Variants in NUTM2B observed in about 807,000 individuals in gnomAD.
NUTM2B encodes the protein NUT family member 2B.
Under a neutral mutation model 42.4 loss-of-function variants are expected in NUTM2B, and 2 were observed. The observed-to-expected ratio is 0.05, with a 90% CI of 0.02 to 0.15. The LOEUF is 0.15. Among genes scored for constraint, NUTM2B ranks in the 10% least tolerant of loss-of-function variants. The pLI is 1.00. For synonymous variants in NUTM2B, 18 were observed against 402.4 expected (o/e 0.04, Z 11.43); for missense variants, 58 against 952.6 (o/e 0.06, Z 12.36).
At chr10:79,700,489 C>T (rs1355154533), upstream of NUTM2B, among the ~76,000 whole-genome samples, 13 of 152,394 alleles carry the variant, frequency 8.5e-5, no homozygotes, top group South Asian at 2.3e-3. Flanking sequence ...GCCTGGGCGT[C>T]CCGCAGGGCC....
chr10:79,695,020 A>G, the NUTM2B span, among the ~76,000 whole-genome samples: 1 of 152,148 alleles, frequency 6.6e-6, no homozygotes, highest in Non-Finnish European at 1.5e-5. Context: ...CTGGCTGCCC[A>G]GGCTCTGTGT....
At chr10:79,702,206 T>A (rs866953247), upstream of NUTM2B, among the ~76,000 whole-genome samples, 1 of 150,820 alleles carries the variant, frequency 6.6e-6, no homozygotes, top group Admixed American at 6.6e-5. Flanking sequence ...AAGATGGAGG[T>A]AGAGTTGCAC....
upstream of NUTM2B, among the ~76,000 whole-genome samples, chr10:79,701,173 A>C (rs2132237730): frequency 6.6e-6 from 1 of 152,220 alleles, no homozygotes. Flanking sequence ...CTCAGTCTGG[A>C]GGTTCCATTA....
chr10:79,695,426 C>T, the NUTM2B span, among the ~76,000 whole-genome samples: 1 of 152,244 alleles, frequency 6.6e-6, no homozygotes, highest in Non-Finnish European at 1.5e-5. Context: ...CAAGACTCCA[C>T]TGAGATAAAA....
the NUTM2B span, among the ~76,000 whole-genome samples, chr10:79,693,849 C>T: frequency 6.6e-6 from 1 of 152,182 alleles, no homozygotes; most frequent in East Asian, 1.9e-4. Flanking sequence ...ATTTGTACCA[C>T]AGGGAAGTGG....
upstream of NUTM2B, among the ~76,000 whole-genome samples, chr10:79,700,938 C>A (rs890552721): frequency 5.9e-5 from 9 of 152,218 alleles, no homozygotes; most frequent in African/African-American, 2.2e-4. Context: ...ACCTCCATGA[C>A]CGTGCCTCTG....
the NUTM2B span, among the ~76,000 whole-genome samples, chr10:79,696,410 A>G: frequency 6.6e-6 from 1 of 151,652 alleles, no homozygotes; most frequent in Non-Finnish European, 1.5e-5. Context: ...CTGCACCCTG[A>G]GTAGGACCCA....
chr10:79,699,286 C>T (rs1403495301), upstream of NUTM2B, among the ~76,000 whole-genome samples: 14 of 151,590 alleles, frequency 9.2e-5, no homozygotes, highest in Non-Finnish European at 1.5e-4. Context: ...AAATACAAAT[C>T]GCCAACATTC....
chr10:79,695,391 C>A, the NUTM2B span, among the ~76,000 whole-genome samples: 1 of 152,292 alleles, frequency 6.6e-6, no homozygotes. Flanking sequence ...GAAAATGTCA[C>A]GTGCCTTTGA....
the NUTM2B span, among the ~76,000 whole-genome samples, chr10:79,693,461 A>G: frequency 1.3e-5 from 2 of 152,206 alleles, no homozygotes; most frequent in Non-Finnish European, 2.9e-5. Context: ...GTTCATAGAG[A>G]GAAGTGGGTG....
chr10:79,712,028 G>T (rs1840508605), exon 7 of NUTM2B: 1 of 1,400,796 alleles, frequency 7.1e-7, no homozygotes, highest in Non-Finnish European at 9.5e-7. Flanking sequence ...ACCTGCCCTG[G>T]CGTGGGTACC....
Position 79,703,785 on chromosome 10 carries a change from GC to G in NUTM2B, c.179del (p.Pro60HisfsTer77). On this transcript the variant is annotated frameshift_variant, in exon 1 of 7. Coordinates refer to ENST00000429828, the Ensembl canonical transcript of NUTM2B. LOFTEE classifies it high-confidence loss of function. ...AGAACGTCCCCCACCCCTAACAGCT[GC>G]CCACTGCCCCTCCCCCTCTGCAGAA... is the stretch of plus-strand genomic sequence containing the variant. 5 of 543,808 alleles carry G rather than the reference GC, an allele frequency of 9.2e-6. No homozygotes were observed. Among genetic ancestry groups the G allele is most frequent in the Non-Finnish European group, 1.4e-5 (5 of 359,502 alleles). 33.7% of individuals were successfully genotyped at this position (543,808 alleles called of 1,614,324 possible).
chr10:79,700,860 G>A (rs1294044986), upstream of NUTM2B, among the ~76,000 whole-genome samples: 2 of 152,236 alleles, frequency 1.3e-5, no homozygotes, highest in Admixed American at 6.5e-5. Context: ...GGCCCCGCTG[G>A]AGATGTGGAA....
At chr10:79,704,987 TG>T (rs1407487910) in intron 1 of NUTM2B, among the ~76,000 whole-genome samples, 1 of 151,646 alleles carries the variant, frequency 6.6e-6, no homozygotes, top group Non-Finnish European at 1.5e-5. Flanking sequence ...GTGCATGTGC[TG>T]TATCCCTTAT....
the NUTM2B span, among the ~76,000 whole-genome samples, chr10:79,692,559 G>A: frequency 2.6e-5 from 4 of 152,188 alleles, no homozygotes; most frequent in Admixed American, 6.5e-5. Flanking sequence ...TTTCATACAG[G>A]AAGTGACATT....
At chr10:79,698,133 A>C in the NUTM2B span, among the ~76,000 whole-genome samples, 2 of 142,810 alleles carry the variant, frequency 1.4e-5, no homozygotes, top group East Asian at 2.2e-4. Context: ...ATGAATACAC[A>C]CCTCACCCTC....
the NUTM2B span, among the ~76,000 whole-genome samples, chr10:79,694,672 C>A: frequency 6.6e-6 from 1 of 152,106 alleles, no homozygotes; most frequent in Non-Finnish European, 1.5e-5. Flanking sequence ...GGCCAGCACC[C>A]AACATGCTGA....
At chr10:79,693,492 C>T in the NUTM2B span, among the ~76,000 whole-genome samples, 2 of 152,238 alleles carry the variant, frequency 1.3e-5, no homozygotes, top group East Asian at 1.9e-4. Context: ...CATTTCATGA[C>T]ATACACTCCT....
At chr10:79,694,592 G>C in the NUTM2B span, among the ~76,000 whole-genome samples, 1 of 152,002 alleles carries the variant, frequency 6.6e-6, no homozygotes, top group African/African-American at 2.4e-5. Flanking sequence ...CCTAAGGACA[G>C]AGCCTGCCCA....
Sources: allele counts gnomAD v4.1 joint callset (sites outside exome capture counted in the v4.1 genomes callset), GRCh38; gene constraint gnomAD v4.1.1; transcripts MANE v1.5; gene names NCBI Gene and HGNC (gene_info 2026-07-23, HGNC 2026-07-21).